Variants in TBL1X observed in about 807,000 individuals in gnomAD.
TBL1X encodes transducin beta like 1 X-linked.
TBL1X carries 10 observed loss-of-function variants against 50.7 expected under a neutral mutation model. The observed-to-expected ratio is 0.20, with a 90% CI of 0.12 to 0.33. TBL1X has a LOEUF of 0.33. Among genes scored for constraint, TBL1X ranks in the 10% least tolerant of loss-of-function variants. TBL1X has a pLI of 1.00. For synonymous variants in TBL1X, 190 were observed against 214.7 expected, an observed-to-expected ratio of 0.88 and a Z score of 1.01; for missense variants, 340 against 504.4, an observed-to-expected ratio of 0.67 and a Z score of 3.12.
chrX:9,533,245 G>C (rs16985581), intron 2 of TBL1X, among the ~76,000 whole-genome samples: 1,684 of 111,584 alleles, frequency 0.015, 26 homozygotes, highest in African/African-American at 0.052. Context: ...CCATAGACGA[G>C]CGCGAACTCC....
In TBL1X at chrX:9,699,982, C is replaced by T. The variant is rs1601848562; in HGVS notation, c.1114+2553C>T. ...ATGCAGGTAGCACGTGTACTAGGTC[C>T]TCCAGAAAGTGTTCTTCACCCCAAA... is the stretch of plus-strand genomic sequence containing the variant. On this transcript the variant is annotated intron_variant, in intron 12 of 17. Coordinates refer to ENST00000645353, the MANE Select transcript of TBL1X (RefSeq NM_005647.4). 1.8e-5 allele frequency among the ~76,000 whole-genome samples: 2 copies of T among 112,187 alleles called. 1 individual carries two copies.
chrX:9,592,134 T>C (rs901009672), intron 2 of TBL1X, among the ~76,000 whole-genome samples: 1 of 112,411 alleles, frequency 8.9e-6, no homozygotes, highest in Non-Finnish European at 1.9e-5. Context: ...ATTTCTGCTC[T>C]TGACTTAATA....
At chrX:9,510,721 A>G (rs191173442) in intron 2 of TBL1X, among the ~76,000 whole-genome samples, 1 of 112,507 alleles carries the variant, frequency 8.9e-6, no homozygotes, top group Non-Finnish European at 1.9e-5. Flanking sequence ...GATGACTTCC[A>G]TAATGTGGGT....
chrX:9,486,251 T>A (rs1349154663), intron 1 of TBL1X, among the ~76,000 whole-genome samples: 1 of 108,570 alleles, frequency 9.2e-6, no homozygotes, highest in Non-Finnish European at 1.9e-5. Context: ...TTTTTTTTTT[T>A]ATTATTGAGA....
chrX:9,682,341 G>A (rs965382760), intron 5 of TBL1X, among the ~76,000 whole-genome samples: 2 of 112,253 alleles, frequency 1.8e-5, no homozygotes, highest in African/African-American at 3.2e-5. Context: ...CTGGAAGGGC[G>A]TCCTTTGGAA....
At chrX:9,514,505 C>T (rs1301696192) in intron 2 of TBL1X, among the ~76,000 whole-genome samples, 2 of 112,042 alleles carry the variant, frequency 1.8e-5, no homozygotes, top group Non-Finnish European at 3.8e-5. Context: ...GTTTTGTTCT[C>T]CAAAGCCCCA....
chrX:9,464,975 T>C (rs1240789424), upstream of TBL1X: 3 of 107,344 alleles, frequency 2.8e-5, no homozygotes, highest in Non-Finnish European at 5.8e-5. Flanking sequence ...GGCCGGGTGG[T>C]ACGCCGGGTC....
rs181596101 is a variant in TBL1X at position 9,555,454 on chromosome X, A to G, written c.-131+53605A>G. Among the ~76,000 whole-genome samples the G allele has an allele frequency of 3.0e-3, 331 of 111,689 alleles. 2 individuals are homozygous for G. The highest frequency in any genetic ancestry group is 0.01 in the African/African-American group (319 of 30,703). ...TAGATTGATTCATCAGTTTATGGACATTTGGTTGCTCCCATGTTTTTTGCT... is the reference window on the plus strand; with the variant it reads ...TAGATTGATTCATCAGTTTATGGACGTTTGGTTGCTCCCATGTTTTTTGCT... On this transcript the variant is annotated intron_variant, in intron 2 of 17. Transcript: ENST00000645353.
chrX:9,690,959 G>A (rs977785560), intron 7 of TBL1X, among the ~76,000 whole-genome samples: 2 of 111,003 alleles, frequency 1.8e-5, no homozygotes, highest in African/African-American at 6.6e-5. Context: ...TGCCCAGGCT[G>A]CTGTTGAACT....
chrX:9,712,114 T>G (rs973474666), intron 16 of TBL1X, among the ~76,000 whole-genome samples: 1 of 112,459 alleles, frequency 8.9e-6, no homozygotes, highest in Non-Finnish European at 1.9e-5. Context: ...GCACGAAACC[T>G]TCCACCTGCC....
intron 2 of TBL1X, among the ~76,000 whole-genome samples, chrX:9,509,362 T>A (rs2082043000): frequency 1.8e-5 from 1 of 55,960 alleles, no homozygotes; most frequent in Admixed American, 2.6e-4. Context: ...CGAGACTCTG[T>A]CTCAAAAAAA....
chrX:9,594,872 G>A (rs1281264743), intron 2 of TBL1X, among the ~76,000 whole-genome samples: 1 of 111,603 alleles, frequency 9.0e-6, no homozygotes, highest in Non-Finnish European at 1.9e-5. Flanking sequence ...TTGAATTGTC[G>A]GTGTATACCC....
chrX:9,580,657 G>A, intron 2 of TBL1X, among the ~76,000 whole-genome samples: 1 of 111,460 alleles, frequency 9.0e-6, no homozygotes, highest in Non-Finnish European at 1.9e-5. Flanking sequence ...ACACATTTAA[G>A]GTAGACATTG....
At chrX:9,703,015 A>G (rs1273632196) in intron 12 of TBL1X, among the ~76,000 whole-genome samples, 1 of 111,391 alleles carries the variant, frequency 9.0e-6, no homozygotes, top group Non-Finnish European at 1.9e-5. Flanking sequence ...TACCCCCTTA[A>G]ATTAGCATGA....
chrX:9,542,775 A>G (rs1276790907), intron 2 of TBL1X, among the ~76,000 whole-genome samples: 1 of 111,979 alleles, frequency 8.9e-6, no homozygotes, highest in Non-Finnish European at 1.9e-5. Context: ...CCACGACTGT[A>G]TATTTTTTGT....
At chrX:9,580,035 A>G (rs977479699) in intron 2 of TBL1X, among the ~76,000 whole-genome samples, 4 of 112,180 alleles carry the variant, frequency 3.6e-5, no homozygotes, top group African/African-American at 6.5e-5. Flanking sequence ...GAAGAGATTT[A>G]TTCTGAGCCA....
At chrX:9,682,626 T>C (rs927617284) in intron 5 of TBL1X, among the ~76,000 whole-genome samples, 9 of 111,572 alleles carry the variant, frequency 8.1e-5, no homozygotes, top group African/African-American at 2.9e-4. Flanking sequence ...GCGTTTTGTT[T>C]ATTGCAAGGT....
chrX:9,652,905 G>A (rs1006461304), intron 3 of TBL1X, among the ~76,000 whole-genome samples: 7 of 110,935 alleles, frequency 6.3e-5, no homozygotes, highest in Middle Eastern at 4.7e-3. Context: ...GGTGGCTCAC[G>A]CCCGTAATCC....
chrX:9,593,491 G>C (rs1395676640), intron 2 of TBL1X, among the ~76,000 whole-genome samples: 1 of 110,891 alleles, frequency 9.0e-6, no homozygotes, highest in Non-Finnish European at 1.9e-5. Context: ...TCGCTTAGCA[G>C]ATCTGAGCTT....
Sources: allele counts gnomAD v4.1 joint callset (sites outside exome capture counted in the v4.1 genomes callset), GRCh38; gene constraint gnomAD v4.1.1; transcripts MANE v1.5; gene names NCBI Gene and HGNC (gene_info 2026-07-23, HGNC 2026-07-21).